The following HMGXB4 variants were observed in gnomAD, a reference collection of about 807,000 sequenced individuals.
HMGXB4 encodes HMG-box containing 4.
Under a neutral mutation model 63.9 loss-of-function variants are expected in HMGXB4, and 27 were observed. The ratio of observed to expected loss-of-function variants is 0.42; its 90% confidence interval spans 0.31 to 0.58. The LOEUF is 0.58. Ranked by LOEUF, HMGXB4 falls within the 20% of genes least tolerant of loss-of-function variation. The probability of loss-of-function intolerance (pLI) is 0.13; values close to 1 mark genes in which losing one functional copy is unlikely to be tolerated. For synonymous variants in HMGXB4, 264 were observed against 265.3 expected, an observed-to-expected ratio of 0.99 and a Z score of 0.05; for missense variants, 624 against 700.7, an observed-to-expected ratio of 0.89 and a Z score of 1.24.
rs746594486 is a variant in HMGXB4, at chr22:35,265,102, A to C, written c.714A>C (p.Gly238=). ...ARDEQGALLL[G]HELQSFLKTA... Reference sequence around the variant, plus strand: ...ATGAGCAGGGTGCTTTACTCCTAGGACATGAGTTACAGAGCTTTCTGAAAA... The same window carrying C: ...ATGAGCAGGGTGCTTTACTCCTAGGCCATGAGTTACAGAGCTTTCTGAAAA... The change falls in exon 5 of 11, where the codon GGA becomes GGC. Residue 238 remains glycine, a synonymous_variant. Coordinates refer to ENST00000216106, the MANE Select transcript of HMGXB4 (RefSeq NM_001003681.3). The C allele has an allele frequency of 3.7e-6, 6 of 1,614,232 alleles. No individual in the cohort carries two copies. The highest frequency in any genetic ancestry group is 5.1e-6 in the Non-Finnish European group (6 of 1,180,034).
intron 10 of HMGXB4, 138 bp downstream of exon 10, chr22:35,293,252 T>A: frequency 1.0e-6 from 1 of 972,970 alleles, no homozygotes; most frequent in Non-Finnish European, 1.6e-6. Flanking sequence ...AACATGATGC[T>A]ATATTATCAA....
chr22:35,253,305 G>A (rs187373581), upstream of HMGXB4, among the ~76,000 whole-genome samples: 12 of 152,180 alleles, frequency 7.9e-5, no homozygotes, highest in African/African-American at 2.9e-4. Flanking sequence ...CCATCTATTG[G>A]GGCACATTTT....
rs527832529 is a variant in HMGXB4, at chr22:35,293,832, T to C, written c.*181T>C. 2 of 348,740 alleles carry C rather than the reference T, an allele frequency of 5.7e-6. No homozygotes were observed. Among genetic ancestry groups the C allele is most frequent in the Admixed American group, 9.2e-5 (2 of 21,636 alleles). 21.6% of individuals were successfully genotyped at this position (348,740 alleles called of 1,614,324 possible). On this transcript the variant is annotated 3_prime_UTR_variant, in exon 11 of 11. Coordinates refer to ENST00000216106, the MANE Select transcript of HMGXB4 (RefSeq NM_001003681.3). ...ACATAGACTGTAACTACTTTGCTTTTAATAATTTTATGAAATGGCAAAGGT... is the reference window on the plus strand; with the variant it reads ...ACATAGACTGTAACTACTTTGCTTTCAATAATTTTATGAAATGGCAAAGGT...
At chr22:35,255,511 T>C (rs1922356810), upstream of HMGXB4, among the ~76,000 whole-genome samples, 1 of 152,080 alleles carries the variant, frequency 6.6e-6, no homozygotes, top group Admixed American at 6.5e-5. Context: ...AAAGACCCTG[T>C]CTCAAAACAA....
intron 5 of HMGXB4, among the ~76,000 whole-genome samples, chr22:35,282,478 A>G (rs1924328386): frequency 6.6e-6 from 1 of 152,206 alleles, no homozygotes; most frequent in Non-Finnish European, 1.5e-5. Flanking sequence ...TGTCATTTTA[A>G]TAACTGTAGG....
intron 1 of HMGXB4, chr22:35,258,345 G>A (rs557008028): frequency 6.6e-6 from 1 of 152,288 alleles, no homozygotes; most frequent in South Asian, 2.1e-4. Flanking sequence ...CCCTCTTTTG[G>A]AGGGCTAAGC....
intron 5 of HMGXB4, among the ~76,000 whole-genome samples, chr22:35,267,844 TTA>T (rs1923357307): frequency 6.6e-6 from 1 of 152,244 alleles, no homozygotes; most frequent in South Asian, 2.1e-4. Flanking sequence ...CCAGTCCATG[TTA>T]TCTTTCTTAA....
upstream of HMGXB4, among the ~76,000 whole-genome samples, chr22:35,253,144 A>AAAAGAAAAAAAAAAAAAAGAAAAAAG (rs569919305): frequency 8.0e-6 from 1 of 125,316 alleles, no homozygotes; most frequent in African/African-American, 2.9e-5. Context: ...AAAAAAAAAA[A>AAAAGAAAAAAAAAAAAAAGAAAAAAG]AAAAAAGAAA....
chr22:35,264,164 G>A (rs1923043605), intron 4 of HMGXB4: 4 of 963,790 alleles, frequency 4.2e-6, no homozygotes, highest in Non-Finnish European at 6.1e-6. Context: ...CATCCCTTTT[G>A]CCATACGTAG....
chr22:35,267,168 A>ATTTTAT (rs1923314064), intron 5 of HMGXB4, among the ~76,000 whole-genome samples: 14 of 147,958 alleles, frequency 9.5e-5, no homozygotes, highest in Non-Finnish European at 1.8e-4. Flanking sequence ...TATATAAAAT[A>ATTTTAT]ATATATTATA....
At position 35,263,797 on chromosome 22, in the gene HMGXB4, A is replaced by T; in HGVS notation, c.182A>T (p.Asp61Val). The T allele has an allele frequency of 1.2e-6, 2 of 1,606,144 alleles. No individual in the cohort carries two copies. Among genetic ancestry groups the T allele is most frequent in the Non-Finnish European group, 1.7e-6 (2 of 1,172,632 alleles). ...TGGTCAATTCTTCTTTAATTATAGG[A>T]TAGTGAACTTTACTTCTTGGGGACG... Reference protein sequence around the residue: ...VRNSSKKKLKDSELYFLGTDT... With the variant: ...VRNSSKKKLKVSELYFLGTDT... The change falls in exon 4 of 11, where the codon GAT becomes GTT. Residue 61 changes from aspartate to valine, a missense_variant and splice_region_variant. By Grantham distance (152) the Asp-to-Val change is radical. This residue lies in a region of HMGXB4 where 472 missense variants were observed against 470.6 expected (regional missense o/e 1.00). Transcript: ENST00000216106.
At position 35,263,829 on chromosome 22, in the gene HMGXB4, C is replaced by T. The variant is rs61755714; in HGVS notation, c.214C>T (p.His72Tyr). ...ACTTTACTTCTTGGGGACGGACACA[C>T]ACAAGAAGAAGAGGAAGCACTCCTC... The part of the protein sequence containing the change: ...SELYFLGTDT[H>Y]KKKRKHSSDD... The change falls in exon 4 of 11, where the codon CAC becomes TAC. Residue 72 changes from histidine (H) to tyrosine (Y), a missense_variant. Physicochemically the swap from His to Tyr is moderately conservative, Grantham distance 83. Coordinates refer to ENST00000216106, the MANE Select transcript of HMGXB4 (RefSeq NM_001003681.3). The T allele has an allele frequency of 3.7e-6, 6 of 1,613,350 alleles. No individual in the cohort carries two copies. In the Admixed American group the frequency reaches 1.0e-4, roughly 27 times the overall value.
chr22:35,258,799 G>A (rs2146392483), intron 1 of HMGXB4, among the ~76,000 whole-genome samples: 1 of 152,338 alleles, frequency 6.6e-6, no homozygotes, highest in Non-Finnish European at 1.5e-5. Flanking sequence ...TGAAAGGAGT[G>A]GTTGGAAGAA....
At chr22:35,287,128 T>A (rs1240830759) in intron 7 of HMGXB4, 2 of 485,318 alleles carry the variant, frequency 4.1e-6, no homozygotes, top group African/African-American at 3.9e-5. Flanking sequence ...ATTTGACCAT[T>A]AGCATTGAGG....
chr22:35,287,252 G>C, intron 7 of HMGXB4, 95 bp from the exon 8 acceptor site: 1 of 975,890 alleles, frequency 1.0e-6, no homozygotes, highest in Non-Finnish European at 1.6e-6. Flanking sequence ...TCTTACTATT[G>C]CCTTTCTTTT....
At chr22:35,255,728 C>A (rs1922367502), upstream of HMGXB4, among the ~76,000 whole-genome samples, 2 of 152,250 alleles carry the variant, frequency 1.3e-5, no homozygotes, top group Non-Finnish European at 2.9e-5. Flanking sequence ...ATAAATTCCC[C>A]TCTTCTGGGG....
At chr22:35,259,715 G>A (rs188861353) in intron 1 of HMGXB4, among the ~76,000 whole-genome samples, 9 of 152,308 alleles carry the variant, frequency 5.9e-5, no homozygotes, top group Admixed American at 5.9e-4. Context: ...GATACAGTCC[G>A]TTGTGTTTAA....
chr22:35,257,445 A>C (rs1922481026), upstream of HMGXB4: 1 of 152,690 alleles, frequency 6.5e-6, no homozygotes, highest in Admixed American at 6.5e-5. Flanking sequence ...CCGGAGCCCG[A>C]GTCTGCGCTC....
intron 5 of HMGXB4, among the ~76,000 whole-genome samples, chr22:35,273,710 G>T (rs1334060979): frequency 6.6e-6 from 1 of 152,132 alleles, no homozygotes; most frequent in Non-Finnish European, 1.5e-5. Flanking sequence ...CCAAATCTGT[G>T]ATTACATCAC....
Sources: allele counts gnomAD v4.1 joint callset (sites outside exome capture counted in the v4.1 genomes callset), GRCh38; gene constraint gnomAD v4.1.1; regional missense constraint gnomAD v4.1.1; transcripts MANE v1.5; gene names NCBI Gene and HGNC (gene_info 2026-07-23, HGNC 2026-07-21).